CEP20: variants seen among roughly 807,000 people sequenced by gnomAD.
The protein encoded by CEP20 is centrosomal protein 20, also known as FGFR1OP N-terminal like.
CEP20 carries 18 observed loss-of-function variants against 20.0 expected under a neutral mutation model. That is an observed-to-expected ratio of 0.90 (90% CI 0.62 to 1.34). CEP20 has a LOEUF of 1.34. Ranked by LOEUF, CEP20 falls within the 40% of genes most tolerant of loss-of-function variation. CEP20 has a pLI of 0.00. For missense variants in CEP20, 215 were observed against 201.6 expected (o/e 1.07, Z -0.40); for synonymous variants, 77 against 73.7 (o/e 1.04, Z -0.23).
chr16:15,877,069 G>A (rs2044970600), intron 3 of CEP20: 1 of 151,916 alleles, frequency 6.6e-6, no homozygotes, highest in Non-Finnish European at 1.5e-5. Context: ...AGCCAGGATG[G>A]TCTCCATTTC....
rs764904675 is a variant in CEP20 at position 15,872,125 on chromosome 16, T to C, written c.448+1366A>G. 3.8e-4 allele frequency among the ~76,000 whole-genome samples: 58 copies of C among 152,018 alleles called. 1 individual carries two copies. The highest frequency in any genetic ancestry group is 1.1e-3 in the African/African-American group (44 of 41,370). ...GTCAGGAGATCAAGACCATCCTGGCTAACACAGGGAAACCCTGTCTCCACT... is the reference window on the plus strand; with the variant it reads ...GTCAGGAGATCAAGACCATCCTGGCCAACACAGGGAAACCCTGTCTCCACT... On this transcript the variant is annotated intron_variant, in intron 4 of 4. Transcript: ENST00000255759.
chr16:15,868,566 G>A (rs1010268954), intron 4 of CEP20, among the ~76,000 whole-genome samples: 1 of 152,082 alleles, frequency 6.6e-6, no homozygotes, highest in Admixed American at 6.6e-5. Context: ...TTTGATAATA[G>A]GAAAAAATAT....
At chr16:15,880,332 A>G (rs555290771) in intron 2 of CEP20, among the ~76,000 whole-genome samples, 2 of 152,308 alleles carry the variant, frequency 1.3e-5, no homozygotes, top group African/African-American at 4.8e-5. Context: ...AAAACAGTTG[A>G]GCAGTTTTCT....
At chr16:15,873,351 G>A in intron 4 of CEP20, 140 bp downstream of exon 4, 1 of 981,192 alleles carries the variant, frequency 1.0e-6, no homozygotes, top group Non-Finnish European at 1.4e-6. Context: ...CTGTTTCTTG[G>A]AGTAACATAG....
In CEP20 at chr16:15,882,774, T is replaced by TACACACACACACACACACACA. The variant is rs879853404; in HGVS notation, c.226+1233_226+1234insTGTGTGTGTGTGTGTGTGTGT. Reference sequence around the variant, plus strand: ...ATCTATCTATCTATCTATCTATCTATCTATCTAGATACACACACACACACA... The same window carrying TACACACACACACACACACACA: ...ATCTATCTATCTATCTATCTATCTATACACACACACACACACACACACTATCTAGATACACACACACACACA... On this transcript the variant is annotated intron_variant, in intron 2 of 4. Transcript: ENST00000255759. Among the ~76,000 whole-genome samples, 19 of 68,598 alleles carry TACACACACACACACACACACA rather than the reference T, an allele frequency of 2.8e-4. No homozygotes were observed. The East Asian group carries it at 5.4e-3, about 20-fold the overall frequency. The allele number at this position is 68,598 out of a possible 152,430, so 45.0% of individuals were successfully genotyped here.
intron 3 of CEP20, among the ~76,000 whole-genome samples, chr16:15,875,644 A>G (rs1375973494): frequency 6.6e-6 from 1 of 152,220 alleles, no homozygotes; most frequent in Non-Finnish European, 1.5e-5. Flanking sequence ...CAAAAAGATA[A>G]AGAAAAGTGC....
At chr16:15,882,820 C>T (rs1278278625) in intron 2 of CEP20, 1 of 148,156 alleles carries the variant, frequency 6.7e-6, no homozygotes, top group Non-Finnish European at 1.5e-5. Flanking sequence ...CATATATCTA[C>T]ATATCTATAT....
intron 1 of CEP20, among the ~76,000 whole-genome samples, chr16:15,887,540 T>C (rs2045273959): frequency 6.6e-6 from 1 of 152,214 alleles, no homozygotes. Context: ...CACTTTGAGC[T>C]ATTTCACTTC....
intron 2 of CEP20, among the ~76,000 whole-genome samples, chr16:15,882,019 C>G (rs1236306687): frequency 6.6e-6 from 1 of 152,106 alleles, no homozygotes; most frequent in Non-Finnish European, 1.5e-5. Context: ...TTGTTTGGGT[C>G]ATGGGGGTGG....
chr16:15,874,176 T>A (rs1026521121), intron 3 of CEP20, among the ~76,000 whole-genome samples: 1 of 152,240 alleles, frequency 6.6e-6, no homozygotes, highest in Non-Finnish European at 1.5e-5. Context: ...CTTATAGGGC[T>A]GTTATGCACT....
chr16:15,876,816 C>CT (rs139036390), intron 3 of CEP20, among the ~76,000 whole-genome samples: 30 of 143,898 alleles, frequency 2.1e-4, no homozygotes, highest in Admixed American at 2.8e-4. Flanking sequence ...GTTTTAGCAA[C>CT]TTTTTTTTTT....
At chr16:15,876,066 C>CA (rs199971058) in intron 3 of CEP20, among the ~76,000 whole-genome samples, 8,252 of 96,592 alleles carry the variant, frequency 0.085, 279 homozygotes, top group Admixed American at 0.16. Flanking sequence ...TCATTGCACT[C>CA]AAAAAAAAAA....
At chr16:15,871,221 A>G (rs2044809678) in intron 4 of CEP20, among the ~76,000 whole-genome samples, 1 of 152,088 alleles carries the variant, frequency 6.6e-6, no homozygotes, top group South Asian at 2.1e-4. Context: ...GTGCCATTGC[A>G]CTCCAGCCTG....
intron 2 of CEP20, 63 bp downstream of exon 2, chr16:15,883,945 C>T (rs994671397): frequency 3.6e-6 from 5 of 1,400,250 alleles, no homozygotes; most frequent in South Asian, 1.3e-5. Flanking sequence ...CTAGGATAAA[C>T]AGTTTCTGAG....
chr16:15,868,042 A>G (rs993304762), intron 4 of CEP20, among the ~76,000 whole-genome samples: 1 of 150,724 alleles, frequency 6.6e-6, no homozygotes, highest in African/African-American at 2.4e-5. Flanking sequence ...TATTCAAAAG[A>G]GTTTCTTGAC....
intron 2 of CEP20, among the ~76,000 whole-genome samples, chr16:15,882,742 T>TAC (rs2045130783): frequency 8.6e-6 from 1 of 115,630 alleles, no homozygotes; most frequent in African/African-American, 3.2e-5. Flanking sequence ...TATCTATCTA[T>TAC]CTATCTATCT....
chr16:15,876,119 T>G (rs143943413), intron 3 of CEP20, among the ~76,000 whole-genome samples: 195 of 150,976 alleles, frequency 1.3e-3, no homozygotes, highest in African/African-American at 4.5e-3. Context: ...GAATACTACT[T>G]TAGGACTCCC....
At chr16:15,876,967 C>T (rs2151425438) in intron 3 of CEP20, among the ~76,000 whole-genome samples, 1 of 152,022 alleles carries the variant, frequency 6.6e-6, no homozygotes, top group South Asian at 2.1e-4. Context: ...ATTTTCCTGC[C>T]TCGGCCTCCC....
In CEP20 at chr16:15,866,401, G is replaced by C. The variant is rs775991752; in HGVS notation, c.*1039C>G. The C allele has an allele frequency of 1.3e-5, 2 of 152,126 alleles. No individual in the cohort carries two copies. The highest frequency in any genetic ancestry group is 4.8e-5 in the African/African-American group (2 of 41,412). 9.4% of individuals were successfully genotyped at this position (152,126 alleles called of 1,614,324 possible). The stretch of plus-strand genomic sequence containing the variant: ...AAAATTTAATTCTGAATATACCATC[G>C]AACTTTTGCCAATCAGGAGCTGTCT... On this transcript the variant is annotated 3_prime_UTR_variant, in exon 5 of 5. Transcript: ENST00000255759.
Sources: allele counts gnomAD v4.1 joint callset (sites outside exome capture counted in the v4.1 genomes callset), GRCh38; gene constraint gnomAD v4.1.1; transcripts MANE v1.5; gene names NCBI Gene and HGNC (gene_info 2026-07-23, HGNC 2026-07-21).